NSMCE1: variants seen among roughly 807,000 people sequenced by gnomAD.
NSMCE1 encodes the protein non-structural maintenance of chromosomes element 1 homolog.
In NSMCE1, 18 loss-of-function variants were observed where a neutral mutation model predicts 29.6. That is an observed-to-expected ratio of 0.61 (90% CI 0.42 to 0.90). NSMCE1 has a LOEUF of 0.90. Among genes scored for constraint, NSMCE1 ranks in the 40% least tolerant of loss-of-function variants. The pLI is 0.00. For synonymous variants in NSMCE1, 124 were observed against 133.4 expected, an observed-to-expected ratio of 0.93 and a Z score of 0.49; for missense variants, 314 against 343.6, an observed-to-expected ratio of 0.91 and a Z score of 0.68.
At chr16:27,254,919 G>A (rs1052843721) in intron 2 of NSMCE1, among the ~76,000 whole-genome samples, 18 of 119,820 alleles carry the variant, frequency 1.5e-4, no homozygotes, top group African/African-American at 1.9e-4. Context: ...TCGCTCTGTC[G>A]CCCAAGCTGG....
At chr16:27,226,923 G>A in intron 5 of NSMCE1, 87 bp from the exon 6 acceptor site, 1 of 850,588 alleles carries the variant, frequency 1.2e-6, no homozygotes, top group South Asian at 1.5e-5. Flanking sequence ...CCACAGCCCA[G>A]TGCTCAGGAA....
At chr16:27,226,875 C>T in intron 5 of NSMCE1, 39 bp from the exon 6 acceptor site, 2 of 1,279,122 alleles carry the variant, frequency 1.6e-6, no homozygotes, top group African/African-American at 2.9e-5. Context: ...CTCAGCCAGG[C>T]CCTCTCCCCA....
At chr16:27,237,737 G>A (rs1016312479) in intron 2 of NSMCE1, among the ~76,000 whole-genome samples, 2 of 152,198 alleles carry the variant, frequency 1.3e-5, no homozygotes, top group Non-Finnish European at 2.9e-5. Context: ...CTGATCTATT[G>A]GACTTTCCAG....
chr16:27,265,350 G>T (rs1224141104), intron 1 of NSMCE1, among the ~76,000 whole-genome samples: 1 of 151,518 alleles, frequency 6.6e-6, no homozygotes, highest in Non-Finnish European at 1.5e-5. Flanking sequence ...TGTATTTTTT[G>T]TAGAGATGGG....
intron 1 of NSMCE1, among the ~76,000 whole-genome samples, chr16:27,258,923 G>A (rs1261745221): frequency 2.0e-5 from 3 of 151,892 alleles, no homozygotes; most frequent in Admixed American, 6.6e-5. Context: ...ACTAATTTTC[G>A]TATTTTTAGT....
chr16:27,225,051 A>G lies in NSMCE1; in HGVS notation c.*106T>C. ...GCTGTGGACGGTGAACATTAAGACG[A>G]AAGAGGTGACTCGCGTGGAACCTGA... On this transcript the variant is annotated 3_prime_UTR_variant, in exon 8 of 8. Coordinates refer to ENST00000361439, the MANE Select transcript of NSMCE1 (RefSeq NM_145080.4). 1 of 687,314 alleles carries G rather than the reference A, an allele frequency of 1.5e-6. No individual in the cohort carries two copies. 42.6% of individuals were successfully genotyped at this position (687,314 alleles called of 1,614,324 possible). A position where few individuals can be genotyped will look rare whatever the true frequency, so the allele number is the denominator to read the frequency against.
rs369013355 is a variant in NSMCE1, at chr16:27,226,735, G to A, written c.585C>T (p.His195=). The A allele has an allele frequency of 9.3e-6, 15 of 1,610,986 alleles. No individual in the cohort carries two copies. The highest frequency in any genetic ancestry group is 1.3e-5 in the African/African-American group (1 of 74,878). ...PDAVKICNIC[H]SLLIQGQSCE... The stretch of plus-strand genomic sequence containing the variant: ...CTGCGGGTACCTGGATGAGGAGGCT[G>A]TGACAGATATTGCAGATCTTCACCG... Residue 195 remains histidine, a synonymous_variant, in exon 6 of 8, where the codon CAC becomes CAT. Transcript: ENST00000361439.
intron 2 of NSMCE1, among the ~76,000 whole-genome samples, chr16:27,239,727 G>A (rs752904411): frequency 3.3e-5 from 5 of 152,210 alleles, no homozygotes; most frequent in Non-Finnish European, 7.3e-5. Flanking sequence ...CCTGGCCCTA[G>A]CACAGATGTC....
rs373455186 is a variant in NSMCE1 at position 27,226,715 on chromosome 16, G to T, written c.600+5C>A. On this transcript the variant is annotated splice_donor_5th_base_variant and intron_variant, in intron 6 of 7. Coordinates refer to ENST00000361439, the MANE Select transcript of NSMCE1 (RefSeq NM_145080.4). ...ATGAGCTCCCGTGCCCTGCCCTGCG[G>T]GTACCTGGATGAGGAGGCTGTGACA... is the stretch of plus-strand genomic sequence containing the variant. 3.4e-5 allele frequency: 55 copies of T among 1,596,010 alleles called. No individual in the cohort carries two copies. Among genetic ancestry groups the T allele is most frequent in the Non-Finnish European group, 4.6e-5 (54 of 1,163,648 alleles).
intron 2 of NSMCE1, among the ~76,000 whole-genome samples, chr16:27,254,866 CTTTTTTTTT>C (rs61088115): frequency 3.8e-4 from 18 of 46,912 alleles, no homozygotes; most frequent in East Asian, 1.4e-3. Context: ...TCCAACCATG[CTTTTTTTTT>C]TTTTTTTTTT....
At chr16:27,242,031 A>C in intron 2 of NSMCE1, 1 of 314,748 alleles carries the variant, frequency 3.2e-6, no homozygotes. Flanking sequence ...AATACTTCAA[A>C]ATAACGTGGG....
chr16:27,267,745 T>G (rs909081661), intron 1 of NSMCE1, among the ~76,000 whole-genome samples: 4 of 151,796 alleles, frequency 2.6e-5, no homozygotes, highest in Non-Finnish European at 5.9e-5. Flanking sequence ...TTTTTTTTTT[T>G]GAGACGGAGT....
chr16:27,239,947 C>CATA (rs2083873065), intron 2 of NSMCE1, among the ~76,000 whole-genome samples: 1 of 138,122 alleles, frequency 7.2e-6, no homozygotes, highest in Non-Finnish European at 1.6e-5. Flanking sequence ...CTATGATTAC[C>CATA]TTATTATGTG....
chr16:27,230,277 T>C (rs1436262381), intron 5 of NSMCE1, among the ~76,000 whole-genome samples: 3 of 152,170 alleles, frequency 2.0e-5, no homozygotes, highest in Non-Finnish European at 4.4e-5. Context: ...CTTGGGGTGA[T>C]ATACCCACCT....
chr16:27,233,991 C>T, intron 4 of NSMCE1, 197 bp downstream of exon 4: 1 of 560,014 alleles, frequency 1.8e-6, no homozygotes, highest in South Asian at 2.2e-5. Flanking sequence ...CTCAGGCAGC[C>T]ATGGGGACCC....
At chr16:27,225,885 C>G (rs762570707) in intron 6 of NSMCE1, 39 bp from the exon 7 acceptor site, 11 of 1,611,094 alleles carry the variant, frequency 6.8e-6, no homozygotes, top group Non-Finnish European at 8.5e-6. Flanking sequence ...AGCTGGTGCA[C>G]ACCTCCATGT....
intron 2 of NSMCE1, 86 bp from the exon 3 acceptor site, chr16:27,235,385 T>C (rs2083809972): frequency 6.7e-7 from 1 of 1,494,508 alleles, no homozygotes; most frequent in African/African-American, 1.4e-5. Flanking sequence ...CCATCCCATC[T>C]CAACGCAGGG....
intron 2 of NSMCE1, among the ~76,000 whole-genome samples, chr16:27,251,958 C>T (rs138495086): frequency 6.6e-6 from 1 of 151,034 alleles, no homozygotes; most frequent in Admixed American, 6.6e-5. Context: ...TCTCCATCTC[C>T]TCAACGCAGG....
chr16:27,268,580 CA>C (rs1213844005), intron 1 of NSMCE1, 125 bp downstream of exon 1: 3 of 152,468 alleles, frequency 2.0e-5, no homozygotes, highest in Non-Finnish European at 4.4e-5. Flanking sequence ...TTCCACAGCC[CA>C]CGGGGACCGA....
Sources: allele counts gnomAD v4.1 joint callset (sites outside exome capture counted in the v4.1 genomes callset), GRCh38; gene constraint gnomAD v4.1.1; transcripts MANE v1.5; gene names NCBI Gene and HGNC (gene_info 2026-07-23, HGNC 2026-07-21).